FAM222B: variants seen among roughly 807,000 people sequenced by gnomAD.
FAM222B encodes protein FAM222B.
A neutral mutation model predicts 38.0 loss-of-function variants in FAM222B; 12 were observed. The ratio of observed to expected loss-of-function variants is 0.32; its 90% CI spans 0.20 to 0.51. The LOEUF is 0.51. Among genes scored for constraint, FAM222B ranks in the 20% least tolerant of loss-of-function variants. FAM222B has a pLI of 0.97. For synonymous variants in FAM222B, 329 were observed against 317.2 expected (o/e 1.04, Z -0.40); for missense variants, 716 against 754.2 (o/e 0.95, Z 0.59).
At chr17:28,798,972 GTTGT>G (rs2037078728) in intron 1 of FAM222B, among the ~76,000 whole-genome samples, 1 of 148,738 alleles carries the variant, frequency 6.7e-6, no homozygotes, top group Non-Finnish European at 1.5e-5. Context: ...ATGGAATCCT[GTTGT>G]TTTTTTTTTC....
chr17:28,813,036 G>A (rs1249426114), intron 1 of FAM222B, among the ~76,000 whole-genome samples: 7 of 70,504 alleles, frequency 9.9e-5, no homozygotes, highest in African/African-American at 3.4e-4. Context: ...GGGGGGGGGG[G>A]GGGGGAGGGG....
intron 1 of FAM222B, among the ~76,000 whole-genome samples, chr17:28,781,114 C>T (rs9893782): frequency 0.19 from 28,732 of 151,938 alleles, 2,851 homozygotes; most frequent in South Asian, 0.3. Flanking sequence ...ACATTGGTAA[C>T]TGTCAGAGAA....
chr17:28,787,818 A>G (rs2036481296), intron 1 of FAM222B, among the ~76,000 whole-genome samples: 1 of 148,296 alleles, frequency 6.7e-6, no homozygotes, highest in Non-Finnish European at 1.5e-5. Context: ...AAAAACTAAT[A>G]AAGTAGTCTT....
intron 1 of FAM222B, among the ~76,000 whole-genome samples, chr17:28,780,718 C>T (rs2036130897): frequency 6.6e-6 from 1 of 152,004 alleles, no homozygotes; most frequent in South Asian, 2.1e-4. Context: ...CCCATCTCTA[C>T]TAAATATACA....
chr17:28,813,037 GGGGGAGGGGGGGGC>G (rs1482614651), intron 1 of FAM222B, among the ~76,000 whole-genome samples: 10 of 70,916 alleles, frequency 1.4e-4, no homozygotes, highest in Non-Finnish European at 2.3e-4. Flanking sequence ...GGGGGGGGGG[GGGGGAGGGGGGGGC>G]GTTGGAGGCA....
upstream of FAM222B, among the ~76,000 whole-genome samples, chr17:28,847,774 C>A (rs927733339): frequency 6.6e-6 from 1 of 151,554 alleles, no homozygotes; most frequent in African/African-American, 2.4e-5. Flanking sequence ...ATGAGCCGGG[C>A]GCCATGGCGG....
chr17:28,835,024 T>TGTGTGTG (rs2038792448), intron 1 of FAM222B, among the ~76,000 whole-genome samples: 91 of 132,110 alleles, frequency 6.9e-4, no homozygotes, highest in Middle Eastern at 7.2e-3. Context: ...TCAGCTAATT[T>TGTGTGTG]TGTGTGTGTG....
chr17:28,824,685 GC>G (rs1222569322), intron 1 of FAM222B, among the ~76,000 whole-genome samples: 2 of 152,126 alleles, frequency 1.3e-5, no homozygotes, highest in Admixed American at 1.3e-4. Flanking sequence ...TCTTTCCACA[GC>G]TTTTATACCA....
intron 1 of FAM222B, chr17:28,802,664 G>A: frequency 5.6e-6 from 1 of 179,716 alleles, no homozygotes; most frequent in South Asian, 1.3e-4. Context: ...AGCTGTCTGG[G>A]CCAAAGGAAT....
intron 1 of FAM222B, among the ~76,000 whole-genome samples, chr17:28,800,308 C>A (rs2037159450): frequency 6.6e-6 from 1 of 152,178 alleles, no homozygotes; most frequent in African/African-American, 2.4e-5. Context: ...GGATGACAGG[C>A]GTGAGCCACC....
chr17:28,763,767 G>A (rs962831846), intron 2 of FAM222B, among the ~76,000 whole-genome samples: 1 of 152,188 alleles, frequency 6.6e-6, no homozygotes, highest in African/African-American at 2.4e-5. Flanking sequence ...TTTGAGGAAT[G>A]GGTGACAACA....
intron 1 of FAM222B, chr17:28,834,895 C>T (rs2038786302): frequency 6.6e-6 from 1 of 150,788 alleles, no homozygotes; most frequent in Admixed American, 6.6e-5. Flanking sequence ...CACCCTGTTG[C>T]CCAGGCTGGA....
At chr17:28,775,893 CAAAAACAAAAACAA>C (rs1345417484) in intron 1 of FAM222B, among the ~76,000 whole-genome samples, 3 of 143,098 alleles carry the variant, frequency 2.1e-5, no homozygotes, top group East Asian at 4.1e-4. Context: ...AAAAAAAAAA[CAAAAACAAAAACAA>C]AAAAACAAAA....
intron 1 of FAM222B, among the ~76,000 whole-genome samples, chr17:28,817,201 C>A (rs1183240083): frequency 3.3e-5 from 5 of 151,656 alleles, no homozygotes; most frequent in Non-Finnish European, 7.4e-5. Flanking sequence ...CAACTGAGGT[C>A]AGCAGTTCGA....
chr17:28,829,913 G>A (rs530029328), intron 1 of FAM222B, among the ~76,000 whole-genome samples: 2 of 151,686 alleles, frequency 1.3e-5, no homozygotes, highest in Admixed American at 6.6e-5. Context: ...GCAGTGGCGC[G>A]ATCTCGGCTC....
chr17:28,826,985 A>AT (rs985948253), intron 1 of FAM222B, among the ~76,000 whole-genome samples: 1 of 150,510 alleles, frequency 6.6e-6, no homozygotes, highest in South Asian at 2.1e-4. Context: ...TGCCAAAAAA[A>AT]TTTTTTTTTT....
At chr17:28,798,085 CG>C (rs1204650424) in intron 1 of FAM222B, among the ~76,000 whole-genome samples, 1 of 151,490 alleles carries the variant, frequency 6.6e-6, no homozygotes, top group Non-Finnish European at 1.5e-5. Context: ...ATAAACGCTA[CG>C]AAAAAAATAT....
At chr17:28,791,319 G>T (rs558643811) in intron 1 of FAM222B, among the ~76,000 whole-genome samples, 2 of 152,166 alleles carry the variant, frequency 1.3e-5, no homozygotes, top group Admixed American at 6.6e-5. Context: ...TATCTTAATG[G>T]AGAAGACATC....
At chr17:28,813,470 T>C (rs2037892764) in intron 1 of FAM222B, among the ~76,000 whole-genome samples, 1 of 152,168 alleles carries the variant, frequency 6.6e-6, no homozygotes, top group Non-Finnish European at 1.5e-5. Context: ...GAGGATCTGA[T>C]AATTATATGG....
Sources: gnomAD v4.1 joint callset for allele counts (sites outside exome capture counted in the v4.1 genomes callset) on GRCh38, gnomAD v4.1.1 for gene constraint, MANE v1.5 for transcripts, NCBI Gene and HGNC (gene_info 2026-07-23, HGNC 2026-07-21) for gene names.